Variants in NOPCHAP1 observed in about 807,000 individuals in gnomAD.
NOPCHAP1 encodes NOP protein chaperone 1.
NOPCHAP1 carries 13 observed loss-of-function variants against 14.0 expected under a neutral mutation model. That is an observed-to-expected ratio of 0.93 (90% CI 0.60 to 1.47). The LOEUF is 1.47. Ranked by LOEUF, NOPCHAP1 falls within the 40% of genes most tolerant of loss-of-function variation. The probability of loss-of-function intolerance (pLI) is 0.00; values close to 1 mark genes in which losing one functional copy is unlikely to be tolerated. For synonymous variants in NOPCHAP1, 78 were observed against 78.4 expected, an observed-to-expected ratio of 1.00 and a Z score of 0.03; for missense variants, 230 against 226.9, an observed-to-expected ratio of 1.01 and a Z score of -0.09.
In NOPCHAP1 at chr12:104,986,427, G is replaced by A; in HGVS notation, c.75G>A (p.Val25=). 6.2e-7 allele frequency: 1 copy of A among 1,610,780 alleles called. No homozygotes were observed. The highest frequency in any genetic ancestry group is 8.5e-7 in the Non-Finnish European group (1 of 1,178,538). ...CCCGGGATTCCTCAGGAGTCCCAGT[G>A]TCCAAGGAGCTGCTGACGGCGGGAA... ...SPTRDSSGVP[V]SKELLTAGSD... is the part of the protein sequence containing the mutation. Residue 25 remains valine (V), a synonymous_variant, in exon 1 of 4, where the codon GTG becomes GTA. Coordinates refer to ENST00000552951, the MANE Select transcript of NOPCHAP1 (RefSeq NM_152318.3).
In NOPCHAP1 at chr12:104,997,302, C is replaced by T. The variant is rs1454493840; in HGVS notation, c.*2606C>T. 6.6e-6 allele frequency: 1 copy of T among 152,144 alleles called. No individual in the cohort carries two copies. Among genetic ancestry groups the T allele is most frequent in the Admixed American group, 6.5e-5 (1 of 15,276 alleles). 9.4% of individuals were successfully genotyped at this position (152,144 alleles called of 1,614,324 possible). A position where few individuals can be genotyped will look rare whatever the true frequency, so the allele number is the denominator to read the frequency against. On this transcript the variant is annotated 3_prime_UTR_variant, in exon 4 of 4. Coordinates refer to ENST00000552951, the MANE Select transcript of NOPCHAP1 (RefSeq NM_152318.3). ...ATCTGATGTTAACAAATTCCCTTAG[C>T]ATTTGCCTGTCTGAAAAGGATCTTA...
Position 105,001,089 on chromosome 12 carries a change from G to C in NOPCHAP1, c.*6393G>C, listed in dbSNP as rs767548952. 1.3e-5 allele frequency: 2 copies of C among 151,900 alleles called. No homozygotes were observed. The highest frequency in any genetic ancestry group is 2.9e-5 in the Non-Finnish European group (2 of 67,972). The allele number at this position is 151,900 out of a possible 1,614,324, so 9.4% of individuals were successfully genotyped here. A position where few individuals can be genotyped will look rare whatever the true frequency, so the allele number is the denominator to read the frequency against. ...TTTTGAGCTTTCCAGAAGATTAAGGGTGTTAGGGATGATGGTAATACCATT... is the reference window on the plus strand; with the variant it reads ...TTTTGAGCTTTCCAGAAGATTAAGGCTGTTAGGGATGATGGTAATACCATT... On this transcript the variant is annotated 3_prime_UTR_variant, in exon 4 of 4. Transcript: ENST00000552951.
At position 105,006,160 on chromosome 12, in the gene NOPCHAP1, G is replaced by A. The variant is rs1304515427; in HGVS notation, c.*11464G>A. 1 of 152,136 alleles carries A rather than the reference G, an allele frequency of 6.6e-6. No homozygotes were observed. Among genetic ancestry groups the A allele is most frequent in the Non-Finnish European group, 1.5e-5 (1 of 68,026 alleles). The allele number at this position is 152,136 out of a possible 1,614,324, so 9.4% of individuals were successfully genotyped here. ...TCGTAAATCTTATGAATTCATGCAT[G>A]ATATCTGGACACAGTTTTTTTCAGC... On this transcript the variant is annotated 3_prime_UTR_variant, in exon 4 of 4. Coordinates refer to ENST00000552951, the MANE Select transcript of NOPCHAP1 (RefSeq NM_152318.3).
Position 105,002,859 on chromosome 12 carries a change from G to A in NOPCHAP1, c.*8163G>A, listed in dbSNP as rs951453281. ...GCTTAATTTTTGACCATGGAGTAAA[G>A]GTGGTTATGGCAGGCAGGCCTGGCT... On this transcript the variant is annotated 3_prime_UTR_variant, in exon 4 of 4. Transcript: ENST00000552951. 6.6e-6 allele frequency: 1 copy of A among 152,170 alleles called. No individual in the cohort carries two copies. Among genetic ancestry groups the A allele is most frequent in the African/African-American group, 2.4e-5 (1 of 41,434 alleles). The allele number at this position is 152,170 out of a possible 1,614,324, so 9.4% of individuals were successfully genotyped here.
In NOPCHAP1 at chr12:104,995,219, C is replaced by T. The variant is rs983688380; in HGVS notation, c.*523C>T. The T allele has an allele frequency of 2.6e-4, 40 of 156,278 alleles. No homozygotes were observed. Among genetic ancestry groups the T allele is most frequent in the Non-Finnish European group, 5.0e-4 (36 of 71,342 alleles). 9.7% of individuals were successfully genotyped at this position (156,278 alleles called of 1,614,324 possible). On this transcript the variant is annotated 3_prime_UTR_variant, in exon 4 of 4. Transcript: ENST00000552951. ...CAGCTAGGTGTTTGCCTAAATAAGG[C>T]AAAGAGGAGACCTAAGCCCAGCATG...
Position 105,007,591 on chromosome 12 carries a change from CG to C in NOPCHAP1, c.*12897del, listed in dbSNP as rs1873732673. ...TTACGTAGGTATACACGTTCCATGA[CG>C]GTTTGCTGCCGCCATCAACTTGTCG... is the stretch of plus-strand genomic sequence containing the variant. On this transcript the variant is annotated 3_prime_UTR_variant, in exon 4 of 4. Transcript: ENST00000552951. The C allele has an allele frequency of 6.6e-6, 1 of 152,178 alleles. No homozygotes were observed. The highest frequency in any genetic ancestry group is 1.5e-5 in the Non-Finnish European group (1 of 68,030). 9.4% of individuals were successfully genotyped at this position (152,178 alleles called of 1,614,324 possible). A position where few individuals can be genotyped will look rare whatever the true frequency, so the allele number is the denominator to read the frequency against.
chr12:104,991,514 A>G (rs1465764825), intron 2 of NOPCHAP1, among the ~76,000 whole-genome samples, 198 bp from the exon 3 acceptor site: 2 of 152,218 alleles, frequency 1.3e-5, no homozygotes, highest in Non-Finnish European at 2.9e-5. Flanking sequence ...AACATAAAAC[A>G]TTTGTGAAAC....
At chr12:104,987,083 T>C (rs953215507) in intron 1 of NOPCHAP1, among the ~76,000 whole-genome samples, 3 of 152,212 alleles carry the variant, frequency 2.0e-5, no homozygotes, top group East Asian at 1.9e-4. Flanking sequence ...AAAATGGTGA[T>C]AGTAGTAATG....
Position 105,016,593 on chromosome 12 carries a change from T to G in NOPCHAP1, c.*21897T>G, listed in dbSNP as rs538037420. On this transcript the variant is annotated 3_prime_UTR_variant, in exon 4 of 4. Coordinates refer to ENST00000552951, the MANE Select transcript of NOPCHAP1 (RefSeq NM_152318.3). ...GGGTAAAGGGGTAGAAAGTCATGTC[T>G]TACATGGCAGCAGGCAAGAGAGCTT... The G allele has an allele frequency of 6.6e-6, 1 of 152,354 alleles. No individual in the cohort carries two copies. Among genetic ancestry groups the G allele is most frequent in the Admixed American group, 6.5e-5 (1 of 15,294 alleles). 9.4% of individuals were successfully genotyped at this position (152,354 alleles called of 1,614,324 possible).
In NOPCHAP1 at chr12:105,014,229, TAA is replaced by T. The variant is rs2136034773; in HGVS notation, c.*19534_*19535del. The T allele has an allele frequency of 6.6e-6, 1 of 152,370 alleles. No individual in the cohort carries two copies. Among genetic ancestry groups the T allele is most frequent in the South Asian group, 2.1e-4 (1 of 4,828 alleles). 9.4% of individuals were successfully genotyped at this position (152,370 alleles called of 1,614,324 possible). ...TGCAAATGGTACTAGGTACCGTCTA[TAA>T]GTGTTTGTGTGGGTAAGTGCTGATA... On this transcript the variant is annotated 3_prime_UTR_variant, in exon 4 of 4. Transcript: ENST00000552951.
Position 104,986,445 on chromosome 12 carries a change from G to T in NOPCHAP1, c.93G>T (p.Thr31=), listed in dbSNP as rs746243417. Residue 31 remains threonine, a synonymous_variant, in exon 1 of 4, where the codon ACG becomes ACT. Coordinates refer to ENST00000552951, the MANE Select transcript of NOPCHAP1 (RefSeq NM_152318.3). ...SGVPVSKELL[T]AGSDGRGGIW... ...TCCCAGTGTCCAAGGAGCTGCTGACGGCGGGAAGCGACGGCCGCGGAGGTG... is the reference window on the plus strand; with the variant it reads ...TCCCAGTGTCCAAGGAGCTGCTGACTGCGGGAAGCGACGGCCGCGGAGGTG... The T allele has an allele frequency of 6.2e-6, 10 of 1,605,866 alleles. No homozygotes were observed. The highest frequency in any genetic ancestry group is 8.5e-6 in the Non-Finnish European group (10 of 1,175,314).
In NOPCHAP1 at chr12:105,011,321, A is replaced by G. The variant is rs1466952687; in HGVS notation, c.*16625A>G. The G allele has an allele frequency of 6.6e-6, 1 of 150,646 alleles. No individual in the cohort carries two copies. The highest frequency in any genetic ancestry group is 6.6e-5 in the Admixed American group (1 of 15,164). The allele number at this position is 150,646 out of a possible 1,614,324, so 9.3% of individuals were successfully genotyped here. A position where few individuals can be genotyped will look rare whatever the true frequency, so the allele number is the denominator to read the frequency against. On this transcript the variant is annotated 3_prime_UTR_variant, in exon 4 of 4. Transcript: ENST00000552951. ...AACCCCTGCTTTTTTTTTGCTTTCC[A>G]TTTGCTTGGTAAATATTCCTCCATC...
Position 104,994,766 on chromosome 12 carries a change from C to G in NOPCHAP1, c.*70C>G. 1 of 1,395,566 alleles carries G rather than the reference C, an allele frequency of 7.2e-7. No homozygotes were observed. The highest frequency in any genetic ancestry group is 9.9e-7 in the Non-Finnish European group (1 of 1,006,252). The allele number at this position is 1,395,566 out of a possible 1,614,324, so 86.4% of individuals were successfully genotyped here. On this transcript the variant is annotated 3_prime_UTR_variant, in exon 4 of 4. Coordinates refer to ENST00000552951, the MANE Select transcript of NOPCHAP1 (RefSeq NM_152318.3). ...ATTCTGTGAAAAAGAATGTGATTCA[C>G]GGGTTCTTTTGCTTTTCAGGCACCT...
intron 2 of NOPCHAP1, among the ~76,000 whole-genome samples, chr12:104,989,488 G>A (rs146526595): frequency 2.6e-5 from 4 of 152,220 alleles, no homozygotes; most frequent in South Asian, 2.1e-4. Context: ...TGTTTCTGAC[G>A]CCAGTGTCTA....
In NOPCHAP1 at chr12:105,007,964, CAT is replaced by C. The variant is rs2136032211; in HGVS notation, c.*13270_*13271del. 1 of 152,140 alleles carries C rather than the reference CAT, an allele frequency of 6.6e-6. No individual in the cohort carries two copies. Among genetic ancestry groups the C allele is most frequent in the South Asian group, 2.1e-4 (1 of 4,824 alleles). 9.4% of individuals were successfully genotyped at this position (152,140 alleles called of 1,614,324 possible). ...CTATTGTGAGCAGTGCTGCAGTAAA[CAT>C]ACATGTGTCTTTATAGTAGAATGAT... On this transcript the variant is annotated 3_prime_UTR_variant, in exon 4 of 4. Transcript: ENST00000552951.
At chr12:104,987,291 G>A (rs1290510363) in intron 1 of NOPCHAP1, among the ~76,000 whole-genome samples, 1 of 152,206 alleles carries the variant, frequency 6.6e-6, no homozygotes, top group Non-Finnish European at 1.5e-5. Flanking sequence ...ACCCTTTGCA[G>A]AAAATCTGTT....
chr12:105,000,074 G>A lies in NOPCHAP1; in HGVS notation c.*5378G>A, dbSNP rs543537886. 8 of 152,306 alleles carry A rather than the reference G, an allele frequency of 5.3e-5. No homozygotes were observed. The East Asian group carries it at 1.5e-3, about 29-fold the overall frequency. The allele number at this position is 152,306 out of a possible 1,614,324, so 9.4% of individuals were successfully genotyped here. A position where few individuals can be genotyped will look rare whatever the true frequency, so the allele number is the denominator to read the frequency against. ...GTGTATAACCACATTTAGTGGAAAA[G>A]CACCTTACTATATTTAATCCAATGA... On this transcript the variant is annotated 3_prime_UTR_variant, in exon 4 of 4. Coordinates refer to ENST00000552951, the MANE Select transcript of NOPCHAP1 (RefSeq NM_152318.3).
Position 105,011,773 on chromosome 12 carries a change from T to A in NOPCHAP1, c.*17077T>A, listed in dbSNP as rs1873832304. The A allele has an allele frequency of 6.6e-6, 1 of 152,206 alleles. No homozygotes were observed. The highest frequency in any genetic ancestry group is 2.4e-5 in the African/African-American group (1 of 41,454). 9.4% of individuals were successfully genotyped at this position (152,206 alleles called of 1,614,324 possible). Reference sequence around the variant, plus strand: ...AAGCTTAGTTTGGCTGGATATGAAATTCTGGGTTGAAAATTCTTCTTTTTA... The same window carrying A: ...AAGCTTAGTTTGGCTGGATATGAAAATCTGGGTTGAAAATTCTTCTTTTTA... On this transcript the variant is annotated 3_prime_UTR_variant, in exon 4 of 4. Coordinates refer to ENST00000552951, the MANE Select transcript of NOPCHAP1 (RefSeq NM_152318.3).
chr12:104,990,454 C>T (rs74496063), intron 2 of NOPCHAP1, among the ~76,000 whole-genome samples: 1 of 152,216 alleles, frequency 6.6e-6, no homozygotes, highest in Non-Finnish European at 1.5e-5. Flanking sequence ...CTAACATTCA[C>T]TATTACGTCG....
Sources: gnomAD v4.1 joint callset for allele counts (sites outside exome capture counted in the v4.1 genomes callset) on GRCh38, gnomAD v4.1.1 for gene constraint, MANE v1.5 for transcripts, NCBI Gene and HGNC (gene_info 2026-07-23, HGNC 2026-07-21) for gene names.